The following DGKG variants were observed in gnomAD, a reference collection of about 807,000 sequenced individuals.
DGKG encodes the protein diacylglycerol kinase gamma.
A neutral mutation model predicts 105.3 loss-of-function variants in DGKG; 78 were observed. The observed-to-expected ratio is 0.74, with a 90% confidence interval of 0.62 to 0.89. DGKG has a LOEUF of 0.89. Ranked by LOEUF, DGKG falls within the 40% of genes least tolerant of loss-of-function variation. The pLI, the probability that DGKG is intolerant of heterozygous loss-of-function variation, is 0.00. For missense variants in DGKG, 958 were observed against 1,020.1 expected (o/e 0.94, Z 0.83); for synonymous variants, 346 against 367.1 (o/e 0.94, Z 0.66).
At chr3:186,169,289 T>C (rs1415678195) in intron 22 of DGKG, among the ~76,000 whole-genome samples, 1 of 152,234 alleles carries the variant, frequency 6.6e-6, no homozygotes, top group Admixed American at 6.5e-5. Context: ...GGTAAGAATA[T>C]GCATAAAAGA....
intron 23 of DGKG, 97 bp downstream of exon 23, chr3:186,164,801 C>T: frequency 7.1e-7 from 1 of 1,406,908 alleles, no homozygotes; most frequent in African/African-American, 1.4e-5. Context: ...GCTGCACTCT[C>T]CCTGCCCTAA....
intron 21 of DGKG, among the ~76,000 whole-genome samples, chr3:186,205,896 A>C (rs1016811107): frequency 6.6e-6 from 1 of 152,164 alleles, no homozygotes; most frequent in Non-Finnish European, 1.5e-5. Flanking sequence ...ATACTAAAAA[A>C]AAAATTAAAA....
chr3:186,357,262 T>C (rs1727013007), intron 1 of DGKG, among the ~76,000 whole-genome samples: 1 of 152,142 alleles, frequency 6.6e-6, no homozygotes, highest in South Asian at 2.1e-4. Flanking sequence ...ACTCTTGATA[T>C]GTGATTCAGA....
chr3:186,361,595 A>G lies in DGKG; in HGVS notation c.-249+351T>C, dbSNP rs1452098534. Among the ~76,000 whole-genome samples the G allele has an allele frequency of 6.6e-6, 1 of 152,096 alleles. No individual in the cohort carries two copies. On this transcript the variant is annotated intron_variant, in intron 1 of 24. Transcript: ENST00000265022. This position sits in a 1 kb window ranked among gnomAD's most constrained non-coding sequence, Gnocchi z 6.8. ...CTGGAGCGCGAACTGGATATCAAGGAGCCAAGGTTAAGTCCAGAAGAAGAA... is the reference window on the plus strand; with the variant it reads ...CTGGAGCGCGAACTGGATATCAAGGGGCCAAGGTTAAGTCCAGAAGAAGAA...
chr3:186,270,792 C>G (rs1008556245), intron 11 of DGKG, among the ~76,000 whole-genome samples: 2 of 152,218 alleles, frequency 1.3e-5, no homozygotes, highest in Admixed American at 6.5e-5. Flanking sequence ...ATCGCCTTAC[C>G]CATTCTCTTT....
intron 23 of DGKG, among the ~76,000 whole-genome samples, chr3:186,162,310 T>C (rs944692520): frequency 1.4e-4 from 22 of 152,232 alleles, no homozygotes; most frequent in African/African-American, 5.3e-4. Flanking sequence ...TGGGATACAG[T>C]GGCCAGTGAG....
intron 7 of DGKG, among the ~76,000 whole-genome samples, chr3:186,283,137 G>T (rs1722905281): frequency 6.6e-6 from 1 of 152,024 alleles, no homozygotes; most frequent in Middle Eastern, 3.2e-3. Context: ...TCGAACTCCT[G>T]ACCTCGTGAT....
chr3:186,353,070 T>C (rs964637070), intron 1 of DGKG, among the ~76,000 whole-genome samples: 1 of 152,158 alleles, frequency 6.6e-6, no homozygotes, highest in Non-Finnish European at 1.5e-5. Context: ...GCATACATGG[T>C]TCCCTTTACC....
Position 186,272,341 on chromosome 3 carries a change from A to C in DGKG, c.913T>G (p.Cys305Gly). 1.2e-6 allele frequency: 2 copies of C among 1,612,050 alleles called. No individual in the cohort carries two copies. The highest frequency in any genetic ancestry group is 8.5e-7 in the Non-Finnish European group (1 of 1,178,454). ...VRKQGLCCTYCKYTVHERCVS... is the reference protein window; with the variant it reads ...VRKQGLCCTYGKYTVHERCVS... Reference sequence around the variant, plus strand: ...CAGCGTTCGTGGACAGTGTATTTACAGTCTGAAAAGAAAAAAAGTCAAGGC... The same window carrying C: ...CAGCGTTCGTGGACAGTGTATTTACCGTCTGAAAAGAAAAAAAGTCAAGGC... Residue 305 changes from cysteine (C) to glycine (G), a missense_variant and splice_region_variant, in exon 11 of 25, where the codon TGT becomes GGT. Around this residue, in one of 2 missense-constraint regions of DGKG, gnomAD observed 643 missense variants for 619.5 expected, o/e 1.04. Transcript: ENST00000265022.
At chr3:186,264,888 A>C (rs543127787) in intron 14 of DGKG, among the ~76,000 whole-genome samples, 2 of 152,364 alleles carry the variant, frequency 1.3e-5, no homozygotes, top group East Asian at 1.9e-4. Flanking sequence ...TTGGCAGATC[A>C]TGTTCTGGAG....
At chr3:186,243,966 G>A (rs1047527621) in intron 19 of DGKG, among the ~76,000 whole-genome samples, 3 of 132,008 alleles carry the variant, frequency 2.3e-5, no homozygotes, top group South Asian at 2.4e-4. Context: ...GCATGATCTC[G>A]TCTCACTGCA....
chr3:186,251,739 G>T lies in DGKG; in HGVS notation c.1761+20C>A, dbSNP rs1363494877. The T allele has an allele frequency of 6.2e-7, 1 of 1,613,942 alleles. No homozygotes were observed. The highest frequency in any genetic ancestry group is 8.5e-7 in the Non-Finnish European group (1 of 1,179,878). ...GGGCGTTTCCCTTCCATACAGAAAG[G>T]TGATCTTTGACCAACTCACCACACC... On this transcript the variant is annotated intron_variant, in intron 19 of 24. Coordinates refer to ENST00000265022, the MANE Select transcript of DGKG (RefSeq NM_001346.3).
At chr3:186,207,482 G>T in intron 21 of DGKG, 1 of 985,354 alleles carries the variant, frequency 1.0e-6, no homozygotes, top group Non-Finnish European at 1.2e-6. Flanking sequence ...TGCCACTTAG[G>T]GCTGCTTTGC....
rs548743104 is a variant in DGKG, at chr3:186,257,826, A to G, written c.1510+28T>C. 370 of 1,567,370 alleles carry G rather than the reference A, an allele frequency of 2.4e-4. 5 individuals are homozygous for G. In the South Asian group the frequency reaches 3.9e-3, roughly 16 times the overall value. ...GTAAATACGCTTACTATAAATAAGC[A>G]GCAAACGCCCTCTCAGCCCATGCTT... is the stretch of plus-strand genomic sequence containing the variant. On this transcript the variant is annotated intron_variant, in intron 17 of 24. Transcript: ENST00000265022.
chr3:186,253,153 C>T lies in DGKG; in HGVS notation c.1540G>A (p.Val514Met), dbSNP rs1022227157. 1.9e-6 allele frequency: 3 copies of T among 1,614,102 alleles called. No individual in the cohort carries two copies. The Admixed American group carries it at 5.0e-5, about 27-fold the overall frequency. Residue 514 changes from valine (V) to methionine (M), a missense_variant, in exon 18 of 25, where the codon GTG becomes ATG. Coordinates refer to ENST00000265022, the MANE Select transcript of DGKG (RefSeq NM_001346.3). The stretch of plus-strand genomic sequence containing the variant: ...CCTGTTCCAAGAGGCAGGACAGCCA[C>T]TGGTGGATGCTTTGCAAAGTTGGCC... ...DKANFAKHPPVAVLPLGTGND... is the reference protein window; with the variant it reads ...DKANFAKHPPMAVLPLGTGND...
chr3:186,340,371 A>G (rs919384607), intron 1 of DGKG, among the ~76,000 whole-genome samples: 6 of 152,212 alleles, frequency 3.9e-5, no homozygotes, highest in Non-Finnish European at 7.3e-5. Context: ...TTGGGAGAAG[A>G]GCACAGAGTT....
intron 23 of DGKG, among the ~76,000 whole-genome samples, 165 bp downstream of exon 23, chr3:186,164,733 A>G (rs772907122): frequency 6.6e-6 from 1 of 152,220 alleles, no homozygotes; most frequent in African/African-American, 2.4e-5. Flanking sequence ...GGCGCATTAT[A>G]TCCTGTTTGG....
At position 186,295,502 on chromosome 3, in the gene DGKG, A is replaced by AAATAAT. The variant is rs56221168; in HGVS notation, c.373+1913_373+1918dup. ...GGTGACAGAGCGAGACTCCGTCTCA[A>AAATAAT]AATAATAATAATAATAATAATAATA... On this transcript the variant is annotated intron_variant, in intron 5 of 24. Transcript: ENST00000265022. Among the ~76,000 whole-genome samples, 1,023 of 145,356 alleles carry AAATAAT rather than the reference A, an allele frequency of 7.0e-3. 11 individuals are homozygous for AAATAAT. The highest frequency in any genetic ancestry group is 0.024 in the African/African-American group (968 of 39,798).
intron 22 of DGKG, among the ~76,000 whole-genome samples, chr3:186,171,758 C>T (rs1048353426): frequency 2.6e-5 from 4 of 152,190 alleles, no homozygotes; most frequent in Non-Finnish European, 5.9e-5. Flanking sequence ...CATGAATTCA[C>T]TCATGTAATC....
Sources: gnomAD v4.1 joint callset for allele counts (sites outside exome capture counted in the v4.1 genomes callset) on GRCh38, gnomAD v4.1.1 for gene constraint, gnomAD v4.1.1 regional missense constraint, Gnocchi (gnomAD v3.1) non-coding constraint, MANE v1.5 for transcripts, NCBI Gene and HGNC (gene_info 2026-07-23, HGNC 2026-07-21) for gene names.